MBD5: variants seen among roughly 807,000 people sequenced by gnomAD.
MBD5 encodes the protein methyl-CpG-binding domain protein 5.
A neutral mutation model predicts 117.3 loss-of-function variants in MBD5; 13 were observed. That is an observed-to-expected ratio of 0.11 (90% confidence interval 0.07 to 0.18). The LOEUF (loss-of-function observed/expected upper bound fraction) is 0.18, where lower values mean the gene tolerates loss of function less well. Ranked by LOEUF, MBD5 falls within the 10% of genes least tolerant of loss-of-function variation. MBD5 has a pLI of 1.00. For missense variants in MBD5, 1,879 were observed against 2,093.8 expected (o/e 0.90, Z 2.00); for synonymous variants, 727 against 766.4 (o/e 0.95, Z 0.85).
intron 1 of MBD5, among the ~76,000 whole-genome samples, chr2:148,161,583 G>A (rs775006072): frequency 1.1e-4 from 16 of 152,132 alleles, no homozygotes; most frequent in Non-Finnish European, 2.2e-4. Flanking sequence ...GTTGCAGTAG[G>A]AGTGTAGCCG....
intron 1 of MBD5, among the ~76,000 whole-genome samples, chr2:148,081,035 T>G (rs1369813302): frequency 6.6e-6 from 1 of 152,192 alleles, no homozygotes; most frequent in African/African-American, 2.4e-5. Context: ...GCACTTATAT[T>G]AAATATAAGG....
chr2:148,242,918 G>T lies in MBD5; in HGVS notation c.-680+9523G>T, dbSNP rs1358010542. ...GCAGTGCATAGGATTTTATGTGTGG[G>T]TTTCAAAAACGTTTTGCTATAGTGG... is the stretch of plus-strand genomic sequence containing the variant. On this transcript the variant is annotated intron_variant, in intron 3 of 13. Transcript: ENST00000642680. Among the ~76,000 whole-genome samples the T allele has an allele frequency of 2.6e-5, 4 of 152,122 alleles. No homozygotes were observed. The East Asian group carries it at 7.7e-4, about 29-fold the overall frequency.
At chr2:148,065,828 G>A (rs1695173408) in intron 1 of MBD5, among the ~76,000 whole-genome samples, 1 of 152,162 alleles carries the variant, frequency 6.6e-6, no homozygotes, top group African/African-American at 2.4e-5. Flanking sequence ...TATGTTCATT[G>A]CCTGGAATAT....
intron 3 of MBD5, among the ~76,000 whole-genome samples, chr2:148,254,729 A>G (rs1700543192): frequency 2.0e-5 from 3 of 152,200 alleles, no homozygotes; most frequent in Admixed American, 6.5e-5. Context: ...CCATATGTTC[A>G]GTGTGATGAC....
chr2:148,168,521 G>A (rs569802241), intron 1 of MBD5, among the ~76,000 whole-genome samples: 2 of 152,258 alleles, frequency 1.3e-5, no homozygotes, highest in South Asian at 2.1e-4. Context: ...TGATAAAGTG[G>A]GAAAGTAAAC....
intron 4 of MBD5, among the ~76,000 whole-genome samples, chr2:148,384,817 A>C (rs2105470473): frequency 6.6e-6 from 1 of 151,984 alleles, no homozygotes; most frequent in Non-Finnish European, 1.5e-5. Flanking sequence ...ACATATCTAC[A>C]ACCATCTGAT....
At chr2:148,258,840 G>A (rs941437010) in intron 3 of MBD5, among the ~76,000 whole-genome samples, 1 of 152,172 alleles carries the variant, frequency 6.6e-6, no homozygotes, top group African/African-American at 2.4e-5. Flanking sequence ...TGTGGGTGGG[G>A]CATCTTCCCC....
intron 3 of MBD5, among the ~76,000 whole-genome samples, chr2:148,330,892 C>G (rs1347433547): frequency 6.6e-6 from 1 of 152,098 alleles, no homozygotes; most frequent in Non-Finnish European, 1.5e-5. Flanking sequence ...TCACCACATT[C>G]CTATGAAATG....
rs146595771 is a variant in MBD5, at chr2:148,476,098, A to G, written c.2518+5637A>G. Among the ~76,000 whole-genome samples the G allele has an allele frequency of 1.8e-4, 27 of 152,288 alleles. No homozygotes were observed. In the East Asian group the frequency reaches 4.3e-3, roughly 24 times the overall value. ...TAGTCCAGGGAAGTCCGTATTATCT[A>G]TCCAAGACCCATGGGCACAGGTATA... On this transcript the variant is annotated intron_variant, in intron 8 of 13. Coordinates refer to ENST00000642680, the MANE Select transcript of MBD5 (RefSeq NM_001378120.1).
intron 3 of MBD5, among the ~76,000 whole-genome samples, chr2:148,269,177 C>T (rs1285625363): frequency 6.6e-6 from 1 of 152,006 alleles, no homozygotes; most frequent in African/African-American, 2.4e-5. Context: ...TTGTTCAAGT[C>T]TACCTTTCTG....
At chr2:148,444,222 T>G (rs1314522479) in intron 4 of MBD5, among the ~76,000 whole-genome samples, 1 of 151,452 alleles carries the variant, frequency 6.6e-6, no homozygotes. Context: ...GGACATACTT[T>G]TCAGTGGTTT....
chr2:148,389,274 A>G (rs1196002812), intron 4 of MBD5, among the ~76,000 whole-genome samples: 8 of 83,008 alleles, frequency 9.6e-5, no homozygotes, highest in African/African-American at 3.5e-4. Flanking sequence ...ATATATATAT[A>G]TATATATATA....
intron 3 of MBD5, among the ~76,000 whole-genome samples, chr2:148,336,984 A>G (rs1194980441): frequency 6.6e-6 from 1 of 152,190 alleles, no homozygotes; most frequent in African/African-American, 2.4e-5. Flanking sequence ...CTTCCAGCTT[A>G]GTCTTAGCCA....
chr2:148,316,209 A>T (rs1702154040), intron 3 of MBD5, among the ~76,000 whole-genome samples: 1 of 152,200 alleles, frequency 6.6e-6, no homozygotes, highest in Admixed American at 6.5e-5. Context: ...GCAATTTGAC[A>T]TGAGATTTGG....
At chr2:148,493,425 G>A (rs1192507176) in intron 11 of MBD5, among the ~76,000 whole-genome samples, 1 of 152,156 alleles carries the variant, frequency 6.6e-6, no homozygotes, top group Admixed American at 6.5e-5. Context: ...TACAGGCTTT[G>A]TTCTCAGCAA....
chr2:148,183,388 C>G (rs1157705880), intron 2 of MBD5, among the ~76,000 whole-genome samples: 1 of 151,996 alleles, frequency 6.6e-6, no homozygotes, highest in East Asian at 1.9e-4. Flanking sequence ...TTCATGGACA[C>G]ACTAACAAAA....
chr2:148,462,183 T>A (rs1432277393), intron 5 of MBD5, among the ~76,000 whole-genome samples: 1 of 152,202 alleles, frequency 6.6e-6, no homozygotes, highest in Non-Finnish European at 1.5e-5. Context: ...TCTAAATTTC[T>A]GTTTTTCCTC....
chr2:148,348,302 G>A (rs1703172440), intron 4 of MBD5, among the ~76,000 whole-genome samples: 1 of 151,866 alleles, frequency 6.6e-6, no homozygotes, highest in African/African-American at 2.4e-5. Context: ...CAAACAGTGG[G>A]TACAAATCAG....
chr2:148,442,001 T>C (rs1395722985), intron 4 of MBD5, among the ~76,000 whole-genome samples: 5 of 152,172 alleles, frequency 3.3e-5, no homozygotes, highest in Non-Finnish European at 7.3e-5. Context: ...AGATTGTGGA[T>C]ATTAGCCCTT....
Sources: gnomAD v4.1 joint callset for allele counts (sites outside exome capture counted in the v4.1 genomes callset) on GRCh38, gnomAD v4.1.1 for gene constraint, MANE v1.5 for transcripts, NCBI Gene and HGNC (gene_info 2026-07-23, HGNC 2026-07-21) for gene names.